Variants in ADAMTS9 observed in about 807,000 individuals in gnomAD.
The protein encoded by ADAMTS9 is ADAM metallopeptidase with thrombospondin type 1 motif 9, also known as A disintegrin and metalloproteinase with thrombospondin motifs 9.
ADAMTS9 carries 107 observed loss-of-function variants against 257.1 expected under a neutral mutation model. The observed-to-expected ratio is 0.42, with a 90% confidence interval of 0.36 to 0.49. The LOEUF (loss-of-function observed/expected upper bound fraction) is 0.49. ADAMTS9 is among the 20% of genes least tolerant of loss of function. The probability of loss-of-function intolerance (pLI) is 0.03; values close to 1 mark genes in which losing one functional copy is unlikely to be tolerated. For missense variants in ADAMTS9, 2,353 were observed against 2,469.1 expected, an observed-to-expected ratio of 0.95 and a Z score of 1.00; for synonymous variants, 982 against 880.9, an observed-to-expected ratio of 1.11 and a Z score of -2.03.
In ADAMTS9 at chr3:64,541,882, T is replaced by C. The variant is rs1184858421; in HGVS notation, c.5153A>G (p.Asp1718Gly). Residue 1718 changes from aspartate to glycine, a missense_variant, in exon 33 of 40, where the codon GAT (aspartate) becomes GGT (glycine). This residue lies in a region of ADAMTS9 where 1,402 missense variants were observed against 1,441.4 expected (regional missense o/e 0.97). Coordinates refer to ENST00000498707, the MANE Select transcript of ADAMTS9 (RefSeq NM_182920.2). ...EDQPSHLCHT[D>G]LKPEERKTCR... ...GGTTTTTCGTTCTTCTGGCTTCAGA[T>C]CAGTGTGGCATAAGTGGCTGGGTTG... is the stretch of plus-strand genomic sequence containing the variant. 2 of 1,614,190 alleles carry C rather than the reference T, an allele frequency of 1.2e-6. No homozygotes were observed. Among genetic ancestry groups the C allele is most frequent in the South Asian group, 1.1e-5 (1 of 91,084 alleles).
At chr3:64,556,112 A>G (rs1265862403) in intron 30 of ADAMTS9, among the ~76,000 whole-genome samples, 1 of 152,152 alleles carries the variant, frequency 6.6e-6, no homozygotes, top group African/African-American at 2.4e-5. Context: ...GCACTTGGAA[A>G]TCATTCTACA....
In ADAMTS9 at chr3:64,546,935, T is replaced by A. The variant is rs1368507423; in HGVS notation, c.4887A>T (p.Gly1629=). The change falls in exon 32 of 40, where the codon GGA becomes GGT. Residue 1629 remains glycine, a synonymous_variant. Coordinates refer to ENST00000498707, the MANE Select transcript of ADAMTS9 (RefSeq NM_182920.2). ...AGACAAGCCTTTGTTTGTAGCCTTT[T>A]CCACAGGTCACTGAGCACTGCAAAG... ...GEWSECSVTC[G]KGYKQRLVSC... 1.9e-6 allele frequency: 3 copies of A among 1,609,836 alleles called. No individual in the cohort carries two copies. The African/African-American group carries it at 4.0e-5, about 21-fold the overall frequency.
intron 38 of ADAMTS9, among the ~76,000 whole-genome samples, chr3:64,527,879 A>T (rs1265107287): frequency 2.6e-5 from 4 of 152,166 alleles, no homozygotes; most frequent in Non-Finnish European, 5.9e-5. Flanking sequence ...GAAACATGAG[A>T]GTGGGCTGCA....
intron 28 of ADAMTS9, among the ~76,000 whole-genome samples, chr3:64,591,214 C>T (rs574140607): frequency 2.6e-5 from 4 of 152,138 alleles, no homozygotes; most frequent in Non-Finnish European, 4.4e-5. Context: ...GCCAAGGCAG[C>T]GGATCACCTG....
chr3:64,643,268 C>T (rs1700702247), intron 11 of ADAMTS9, among the ~76,000 whole-genome samples: 1 of 152,024 alleles, frequency 6.6e-6, no homozygotes, highest in Non-Finnish European at 1.5e-5. Context: ...AGATGGACGG[C>T]TTTGTCTAGA....
At chr3:64,566,023 A>G (rs2083536859) in intron 29 of ADAMTS9, among the ~76,000 whole-genome samples, 1 of 152,226 alleles carries the variant, frequency 6.6e-6, no homozygotes, top group South Asian at 2.1e-4. Context: ...TATTATCATC[A>G]GACCTTTCGA....
At chr3:64,589,669 C>G (rs1576088154) in intron 28 of ADAMTS9, 1 of 152,116 alleles carries the variant, frequency 6.6e-6, no homozygotes, top group African/African-American at 2.4e-5. Flanking sequence ...CCCTCCTTAC[C>G]TTGGTCCTTT....
chr3:64,546,366 G>A (rs1235426578), intron 32 of ADAMTS9, among the ~76,000 whole-genome samples: 1 of 152,102 alleles, frequency 6.6e-6, no homozygotes, highest in African/African-American at 2.4e-5. Flanking sequence ...ACTAAAAAAT[G>A]TTTGGATTTT....
intron 28 of ADAMTS9, among the ~76,000 whole-genome samples, chr3:64,590,833 C>T (rs2084245755): frequency 1.3e-5 from 2 of 152,172 alleles, no homozygotes; most frequent in East Asian, 3.9e-4. Flanking sequence ...AAAACCCGAA[C>T]AAGCAATTTC....
rs181772288 is a variant in ADAMTS9 at position 64,659,671 on chromosome 3, C to T, written c.680-880G>A. 5.2e-3 allele frequency among the ~76,000 whole-genome samples: 795 copies of T among 152,086 alleles called. 14 individuals carry two copies. The highest frequency in any genetic ancestry group is 4.3e-3 in the Non-Finnish European group (293 of 67,992). On this transcript the variant is annotated intron_variant, in intron 3 of 39. Coordinates refer to ENST00000498707, the MANE Select transcript of ADAMTS9 (RefSeq NM_182920.2). ...TATTAGAATCACAGCAATTCAATGT[C>T]TCTGAATTTTTAATTAACTTACTCC... is the stretch of plus-strand genomic sequence containing the variant.
chr3:64,638,811 T>G (rs928846950), intron 12 of ADAMTS9, among the ~76,000 whole-genome samples: 10 of 152,004 alleles, frequency 6.6e-5, no homozygotes, highest in African/African-American at 2.2e-4. Flanking sequence ...CTCTTAAGAA[T>G]ATACTATAAA....
chr3:64,687,931 C>T lies in ADAMTS9; in HGVS notation c.-274G>A, dbSNP rs1445803857. ...GAGGACTGGGGCTCGGCTGCTTGGC[C>T]GCATAATGCCCAGCGAGCGGGCAGG... On this transcript the variant is annotated 5_prime_UTR_variant, in exon 1 of 40. Coordinates refer to ENST00000498707, the MANE Select transcript of ADAMTS9 (RefSeq NM_182920.2). The surrounding 1 kb of genome is among the most constrained non-coding windows in gnomAD (Gnocchi z 4.4). 1.0e-5 allele frequency: 3 copies of T among 294,490 alleles called. No individual in the cohort carries two copies. Among genetic ancestry groups the T allele is most frequent in the Non-Finnish European group, 1.9e-5 (3 of 159,304 alleles). 18.2% of individuals were successfully genotyped at this position (294,490 alleles called of 1,614,324 possible).
intron 29 of ADAMTS9, among the ~76,000 whole-genome samples, chr3:64,568,055 T>C (rs2083585385): frequency 1.3e-5 from 2 of 152,192 alleles, no homozygotes; most frequent in Admixed American, 1.3e-4. Flanking sequence ...TAGTTTTCTA[T>C]GTGGTGATAA....
At chr3:64,643,440 CAAT>C in intron 11 of ADAMTS9, among the ~76,000 whole-genome samples, 1 of 112,538 alleles carries the variant, frequency 8.9e-6, no homozygotes, top group Non-Finnish European at 1.9e-5. Flanking sequence ...TAACATTACT[CAAT>C]AATTTTTTTT....
chr3:64,573,109 A>G (rs1294798582), intron 28 of ADAMTS9, among the ~76,000 whole-genome samples: 8 of 97,486 alleles, frequency 8.2e-5, no homozygotes, highest in African/African-American at 1.0e-4. Flanking sequence ...ATGGAAAAAG[A>G]AAAAAAGAAA....
chr3:64,525,919 AATT>A (rs2082904127), intron 38 of ADAMTS9, among the ~76,000 whole-genome samples: 2 of 111,774 alleles, frequency 1.8e-5, no homozygotes, highest in African/African-American at 2.6e-5. Context: ...ACAGTAGAAA[AATT>A]ATATTTACCA....
Position 64,601,945 on chromosome 3 carries a change from G to C in ADAMTS9, c.4016C>G (p.Ala1339Gly). ...GNQWRTGPWG[A>G]CSSTCAGGSQ... Reference sequence around the variant, plus strand: ...AAGCAAACTTCAGGGAATACTCACTGCTCCCCAGGGGCCAGTTCTCCACTG... The same window carrying C: ...AAGCAAACTTCAGGGAATACTCACTCCTCCCCAGGGGCCAGTTCTCCACTG... The change falls in exon 26 of 40, where the codon GCA (alanine) becomes GGA (glycine). Residue 1339 changes from alanine (A) to glycine (G), a missense_variant and splice_region_variant. Ala to Gly is a moderately conservative substitution (Grantham distance 60). Transcript: ENST00000498707. The C allele has an allele frequency of 6.3e-7, 1 of 1,596,314 alleles. No homozygotes were observed. The highest frequency in any genetic ancestry group is 8.5e-7 in the Non-Finnish European group (1 of 1,170,230).
At chr3:64,559,550 T>C (rs577887519) in intron 30 of ADAMTS9, among the ~76,000 whole-genome samples, 63 of 152,370 alleles carry the variant, frequency 4.1e-4, no homozygotes, top group African/African-American at 1.4e-3. Context: ...GGCAACCCTC[T>C]AGTAAGCTTC....
chr3:64,621,779 AAAAAATAAAAAAAT>A (rs1179461839), intron 18 of ADAMTS9, among the ~76,000 whole-genome samples: 32 of 134,020 alleles, frequency 2.4e-4, no homozygotes, highest in East Asian at 5.2e-4. Flanking sequence ...TAAAAAAATA[AAAAAATAAAAAAAT>A]AAAAAGAAAA....
Sources: gnomAD v4.1 joint callset for allele counts (sites outside exome capture counted in the v4.1 genomes callset) on GRCh38, gnomAD v4.1.1 for gene constraint, gnomAD v4.1.1 regional missense constraint, Gnocchi (gnomAD v3.1) non-coding constraint, MANE v1.5 for transcripts, NCBI Gene and HGNC (gene_info 2026-07-23, HGNC 2026-07-21) for gene names.